HAP1: variants seen among roughly 807,000 people sequenced by gnomAD.
HAP1 encodes huntingtin associated protein 1.
HAP1 carries 59 observed loss-of-function variants against 60.3 expected under a neutral mutation model. That is an observed-to-expected ratio of 0.98 (90% CI 0.79 to 1.22). The LOEUF (loss-of-function observed/expected upper bound fraction) is 1.22, where lower values mean the gene tolerates loss of function less well. Among genes scored for constraint, HAP1 ranks in the 50% most tolerant of loss-of-function variants. HAP1 has a pLI of 0.00. For synonymous variants in HAP1, 346 were observed against 330.6 expected (o/e 1.05, Z -0.50); for missense variants, 825 against 785.3 (o/e 1.05, Z -0.60).
At chr17:41,719,710 T>C (rs1555586667), downstream of HAP1, among the ~76,000 whole-genome samples, 1 of 151,456 alleles carries the variant, frequency 6.6e-6, no homozygotes, top group Non-Finnish European at 1.5e-5. Context: ...AAAAAGGCAA[T>C]TTGGAGATTG....
intron 1 of HAP1, among the ~76,000 whole-genome samples, chr17:41,733,351 G>GTTT (rs1555591679): frequency 4.4e-5 from 2 of 45,944 alleles, no homozygotes; most frequent in Non-Finnish European, 4.7e-5. Context: ...ACCGCGCCCG[G>GTTT]CTTTTTTTTT....
At chr17:41,729,573 A>AAAAAAAAAAAAAAAAAG (rs1911972638) in intron 6 of HAP1, among the ~76,000 whole-genome samples, 1 of 141,354 alleles carries the variant, frequency 7.1e-6, no homozygotes, top group Non-Finnish European at 1.5e-5. Flanking sequence ...AAAAAAAAAA[A>AAAAAAAAAAAAAAAAAG]AAAAAAGGAA....
intron 1 of HAP1, among the ~76,000 whole-genome samples, chr17:41,733,038 G>GTTTTTTTTTTTTTTTTTGTT (rs10679002): frequency 9.3e-6 from 1 of 107,212 alleles, no homozygotes; most frequent in Non-Finnish European, 1.8e-5. Context: ...GTTTTTTTTG[G>GTTTTTTTTTTTTTTTTTGTT]TTTTTTTTTT....
At chr17:41,720,357 G>A (rs932790313), downstream of HAP1, among the ~76,000 whole-genome samples, 1 of 151,454 alleles carries the variant, frequency 6.6e-6, no homozygotes, top group Non-Finnish European at 1.5e-5. Context: ...CACCACACCT[G>A]GCTAATTTTG....
chr17:41,732,670 G>A (rs782050708), intron 2 of HAP1, 49 bp downstream of exon 2: 4 of 1,484,390 alleles, frequency 2.7e-6, no homozygotes, highest in Non-Finnish European at 2.8e-6. Flanking sequence ...CACCCCTACA[G>A]GACAAAACTA....
In HAP1 at chr17:41,729,837, T is replaced by C. The variant is rs78728563; in HGVS notation, c.1070-1506A>G. Among the ~76,000 whole-genome samples the C allele has an allele frequency of 3.4e-4, 45 of 130,754 alleles. 1 individual carries two copies. In the East Asian group the frequency reaches 9.9e-3, roughly 29 times the overall value. 85.8% of individuals were successfully genotyped at this position (130,754 alleles called of 152,430 possible). On this transcript the variant is annotated intron_variant, in intron 6 of 10. Transcript: ENST00000347901. ...GTTGCAGTGAGCTGAGATCATGACA[T>C]TGCTCTAGCTGGGCGACAGTGAGAC...
downstream of HAP1, among the ~76,000 whole-genome samples, chr17:41,720,336 C>G (rs1339122507): frequency 6.6e-6 from 1 of 152,106 alleles, no homozygotes; most frequent in African/African-American, 2.4e-5. Context: ...GCTGGGATTA[C>G]AGGCATGTGC....
intron 10 of HAP1, among the ~76,000 whole-genome samples, chr17:41,725,559 G>A (rs1555588594): frequency 6.6e-6 from 1 of 152,180 alleles, no homozygotes; most frequent in Middle Eastern, 3.2e-3. Flanking sequence ...AAGGGACCAC[G>A]CTGGGCCTTA....
chr17:41,727,578 C>T, intron 8 of HAP1, 184 bp downstream of exon 8: 1 of 665,186 alleles, frequency 1.5e-6, no homozygotes, highest in Admixed American at 2.2e-5. Context: ...CTGCACTCCA[C>T]ACCACTCAGA....
intron 7 of HAP1, 51 bp from the exon 8 acceptor site, chr17:41,727,887 G>A: frequency 9.0e-7 from 1 of 1,113,128 alleles, no homozygotes; most frequent in Non-Finnish European, 1.4e-6. Flanking sequence ...ACCCACTCAG[G>A]GCACCCCCTG....
rs1555591435 is a variant in HAP1 at position 41,732,724 on chromosome 17, C to G, written c.544G>C (p.Glu182Gln). 6.2e-7 allele frequency: 1 copy of G among 1,610,746 alleles called. No individual in the cohort carries two copies. Among genetic ancestry groups the G allele is most frequent in the East Asian group, 2.2e-5 (1 of 44,860 alleles). The change falls in exon 2 of 11, where the codon GAG becomes CAG. Residue 182 changes from glutamate (E) to glutamine (Q), a missense_variant. Physicochemically the swap from Glu to Gln is conservative, Grantham distance 29. Transcript: ENST00000347901. ...ATCAGGAAGGCAGTACACACCTCCT[C>G]CAGCAAATATAACATCACTTTGACG... Reference protein sequence around the residue: ...EDVKVMLYLLEELLPPVWESV... With the variant: ...EDVKVMLYLLQELLPPVWESV...
Position 41,725,208 on chromosome 17 carries a change from G to A in HAP1, c.1407-54C>T, listed in dbSNP as rs944213218. 3.0e-5 allele frequency: 43 copies of A among 1,420,730 alleles called. 1 individual carries two copies. In the African/African-American group the frequency reaches 5.7e-4, roughly 19 times the overall value. 88.0% of individuals were successfully genotyped at this position (1,420,730 alleles called of 1,614,324 possible). A position where few individuals can be genotyped will look rare whatever the true frequency, so the allele number is the denominator to read the frequency against. ...GGGGCTGGAAAGTCCAACCCCCCAG[G>A]CCCACCCCCACCCGTCTCCACACAG... On this transcript the variant is annotated intron_variant, in intron 10 of 10. Transcript: ENST00000347901.
Position 41,725,139 on chromosome 17 carries a change from G to T in HAP1, c.1422C>A (p.Tyr474Ter). 6.3e-7 allele frequency: 1 copy of T among 1,587,362 alleles called. No individual in the cohort carries two copies. The highest frequency in any genetic ancestry group is 8.6e-7 in the Non-Finnish European group (1 of 1,164,292). ...DTSSLRYDFR[Y>*]SEDREQVRGF... ...CCCGCACCTGCTCTCGATCCTCACT[G>T]TAGCGAAAATCATACCTGGGCGGGA... is the stretch of plus-strand genomic sequence containing the variant. Residue 474 changes from tyrosine (Y) to a stop codon, truncating the protein, a stop_gained, in exon 11 of 11, where the codon TAC (tyrosine) becomes TAA (stop). Transcript: ENST00000347901. LOFTEE classifies it low-confidence loss of function (END_TRUNC).
In HAP1 at chr17:41,724,861, G is replaced by C. The variant is rs782172192; in HGVS notation, c.1700C>G (p.Pro567Arg). 1 of 1,613,650 alleles carries C rather than the reference G, an allele frequency of 6.2e-7. No individual in the cohort carries two copies. The highest frequency in any genetic ancestry group is 8.5e-7 in the Non-Finnish European group (1 of 1,179,952). The part of the protein sequence containing the change: ...TSALEASGLG[P>R]SHLDMNYVLQ... ...GACATAATTCATGTCCAGGTGTGAA[G>C]GGCCCAAGCCGCTGGCCTCCAGGGC... is the stretch of plus-strand genomic sequence containing the variant. The change falls in exon 11 of 11, where the codon CCT becomes CGT. Residue 567 changes from proline to arginine, a missense_variant. Coordinates refer to ENST00000347901, the MANE Select transcript of HAP1 (RefSeq NM_177977.3).
chr17:41,732,635 C>A lies in HAP1; in HGVS notation c.549+84G>T. The A allele has an allele frequency of 3.2e-6, 4 of 1,231,550 alleles. No homozygotes were observed. In the South Asian group the frequency reaches 3.6e-5, roughly 11 times the overall value. The allele number at this position is 1,231,550 out of a possible 1,614,324, so 76.3% of individuals were successfully genotyped here. A position where few individuals can be genotyped will look rare whatever the true frequency, so the allele number is the denominator to read the frequency against. ...CTAACCTGGGGCCCCAGAGAGACTG[C>A]CAATCAGGAAATAAACAAGACCCCC... On this transcript the variant is annotated intron_variant, in intron 2 of 10. Transcript: ENST00000347901.
At chr17:41,731,868 G>T in intron 4 of HAP1, 69 bp downstream of exon 4, 1 of 818,908 alleles carries the variant, frequency 1.2e-6, no homozygotes, top group Non-Finnish European at 2.1e-6. Context: ...CATCACCTGT[G>T]TCCCTCTTAA....
intron 9 of HAP1, 63 bp downstream of exon 9, chr17:41,726,990 A>C (rs1597738675): frequency 1.2e-6 from 1 of 828,954 alleles, no homozygotes; most frequent in Non-Finnish European, 2.0e-6. Flanking sequence ...GTGAGGGCAA[A>C]CCCCCTCCCC....
chr17:41,725,759 G>T, intron 10 of HAP1, 100 bp downstream of exon 10: 1 of 867,188 alleles, frequency 1.2e-6, no homozygotes, highest in Non-Finnish European at 2.0e-6. Context: ...AGATAGCAGG[G>T]CCTTCTCCGG....
At chr17:41,733,831 C>A (rs62065875) in intron 1 of HAP1, among the ~76,000 whole-genome samples, 34,953 of 151,232 alleles carry the variant, frequency 0.23, 4,373 homozygotes, top group Middle Eastern at 0.31. Flanking sequence ...GGGACAGCGC[C>A]CTCCCGCAGC....
Sources: allele counts gnomAD v4.1 joint callset (sites outside exome capture counted in the v4.1 genomes callset), GRCh38; gene constraint gnomAD v4.1.1; transcripts MANE v1.5; gene names NCBI Gene and HGNC (gene_info 2026-07-23, HGNC 2026-07-21).